The following TFDP1 variants were observed in gnomAD, a reference collection of about 807,000 sequenced individuals.
TFDP1 encodes the protein transcription factor Dp-1.
In TFDP1, 6 loss-of-function variants were observed where a neutral mutation model predicts 48.0. That is an observed-to-expected ratio of 0.13 (90% CI 0.07 to 0.25). The LOEUF (loss-of-function observed/expected upper bound fraction) is 0.25, where lower values mean the gene tolerates loss of function less well. Ranked by LOEUF, TFDP1 falls within the 10% of genes least tolerant of loss-of-function variation. TFDP1 has a pLI of 1.00. For missense variants in TFDP1, 335 were observed against 543.0 expected, an observed-to-expected ratio of 0.62 and a Z score of 3.81; for synonymous variants, 201 against 211.6, an observed-to-expected ratio of 0.95 and a Z score of 0.44.
chr13:113,610,456 C>T (rs759872109), intron 2 of TFDP1, among the ~76,000 whole-genome samples: 2 of 149,100 alleles, frequency 1.3e-5, no homozygotes, highest in Non-Finnish European at 3.0e-5. Flanking sequence ...CGCTGTGTGG[C>T]TGTGCCATCA....
intron 3 of TFDP1, among the ~76,000 whole-genome samples, chr13:113,620,400 G>A (rs2048969455): frequency 6.6e-6 from 1 of 152,250 alleles, no homozygotes; most frequent in Non-Finnish European, 1.5e-5. Context: ...GAGTGACAGT[G>A]CCACTGGCTT....
intron 3 of TFDP1, among the ~76,000 whole-genome samples, chr13:113,616,417 TA>T (rs1303778048): frequency 6.6e-6 from 1 of 152,118 alleles, no homozygotes; most frequent in African/African-American, 2.4e-5. Flanking sequence ...TTTAACATAG[TA>T]AATCCGTGGA....
intron 2 of TFDP1, among the ~76,000 whole-genome samples, chr13:113,595,023 T>C (rs546133322): frequency 7.2e-5 from 11 of 152,354 alleles, no homozygotes; most frequent in Non-Finnish European, 4.4e-5. Flanking sequence ...ACCTTCTGTT[T>C]CTAATCTTTT....
chr13:113,594,731 C>T (rs986898509), intron 2 of TFDP1, among the ~76,000 whole-genome samples: 1 of 152,232 alleles, frequency 6.6e-6, no homozygotes, highest in Admixed American at 6.5e-5. Flanking sequence ...GCTGCACCAG[C>T]GGGCTTTTCT....
At chr13:113,631,815 C>T in intron 5 of TFDP1, 71 bp downstream of exon 5, 1 of 1,584,738 alleles carries the variant, frequency 6.3e-7, no homozygotes, top group Non-Finnish European at 8.6e-7. Context: ...TTCTCCTGGG[C>T]CACGTGTGTC....
chr13:113,597,024 C>T (rs528239369), intron 2 of TFDP1, among the ~76,000 whole-genome samples: 5 of 152,240 alleles, frequency 3.3e-5, no homozygotes, highest in South Asian at 2.1e-4. Context: ...GGTGCCTGCC[C>T]GGCGCCATTG....
intron 3 of TFDP1, among the ~76,000 whole-genome samples, chr13:113,617,719 A>G (rs1389886129): frequency 2.0e-5 from 3 of 152,174 alleles, no homozygotes; most frequent in African/African-American, 7.2e-5. Context: ...GTGCTTGGCC[A>G]GATAAGCAAA....
rs1200014106 is a variant in TFDP1 at position 113,598,727 on chromosome 13, G to A, written c.13-12269G>A. Among the ~76,000 whole-genome samples, 1 of 152,196 alleles carries A rather than the reference G, an allele frequency of 6.6e-6. No individual in the cohort carries two copies. The highest frequency in any genetic ancestry group is 2.4e-5 in the African/African-American group (1 of 41,434). ...TCATTTAAGTTGCGTGGGGCCGGGA[G>A]GAGGCGTTCTCTGCCCCTACGTGGC... On this transcript the variant is annotated intron_variant, in intron 2 of 11. Transcript: ENST00000375370. This position sits in a 1 kb window ranked among gnomAD's most constrained non-coding sequence, Gnocchi z 4.2.
At chr13:113,620,947 C>T (rs2048980686) in intron 3 of TFDP1, among the ~76,000 whole-genome samples, 1 of 152,170 alleles carries the variant, frequency 6.6e-6, no homozygotes, top group Non-Finnish European at 1.5e-5. Context: ...CTGTCTTGGC[C>T]AACTTAGGTT....
intron 2 of TFDP1, among the ~76,000 whole-genome samples, chr13:113,594,549 C>T (rs1294024061): frequency 6.6e-6 from 1 of 151,798 alleles, no homozygotes; most frequent in Non-Finnish European, 1.5e-5. Flanking sequence ...GTGTGTGGGT[C>T]CTCTGCCCTG....
intron 5 of TFDP1, among the ~76,000 whole-genome samples, chr13:113,632,350 C>T (rs749589658): frequency 9.2e-5 from 14 of 152,252 alleles, no homozygotes; most frequent in Admixed American, 8.5e-4. Context: ...GGCTTTCCCT[C>T]GACCTGAAGC....
chr13:113,603,743 T>C (rs2048497223), intron 2 of TFDP1, among the ~76,000 whole-genome samples: 1 of 152,230 alleles, frequency 6.6e-6, no homozygotes. Context: ...AGGTTAGTTT[T>C]AGCCAAGGAG....
chr13:113,593,078 C>T (rs1310378121), intron 2 of TFDP1, among the ~76,000 whole-genome samples: 54 of 102,414 alleles, frequency 5.3e-4, no homozygotes, highest in African/African-American at 1.6e-3. Flanking sequence ...GTGTGGTGTG[C>T]GCGGGTCCTC....
chr13:113,639,626 C>T (rs112368072), intron 11 of TFDP1, among the ~76,000 whole-genome samples: 26 of 152,288 alleles, frequency 1.7e-4, no homozygotes, highest in African/African-American at 6.0e-4. Flanking sequence ...ACATTAGGAA[C>T]GTAGTGAGCT....
intron 3 of TFDP1, among the ~76,000 whole-genome samples, chr13:113,620,882 T>C (rs1054549705): frequency 1.3e-5 from 2 of 152,266 alleles, no homozygotes; most frequent in Non-Finnish European, 2.9e-5. Flanking sequence ...AAAATACTAA[T>C]ATTTAACCCA....
In TFDP1 at chr13:113,641,337, C is replaced by T. The variant is rs1211448200; in HGVS notation, c.*1070C>T. 1 of 152,022 alleles carries T rather than the reference C, an allele frequency of 6.6e-6. No individual in the cohort carries two copies. Among genetic ancestry groups the T allele is most frequent in the Non-Finnish European group, 1.5e-5 (1 of 68,028 alleles). The allele number at this position is 152,022 out of a possible 1,614,324, so 9.4% of individuals were successfully genotyped here. On this transcript the variant is annotated 3_prime_UTR_variant, in exon 12 of 12. Transcript: ENST00000375370. The stretch of plus-strand genomic sequence containing the variant: ...TTGCTATTAGCTGCCTGTTCTAAAA[C>T]GATAGTCTTTTTATTGAAACACAAA...
At chr13:113,632,652 C>T (rs188275157) in intron 5 of TFDP1, among the ~76,000 whole-genome samples, 7 of 152,314 alleles carry the variant, frequency 4.6e-5, no homozygotes, top group African/African-American at 1.7e-4. Context: ...GTGGCACGTG[C>T]CTGTAATCCC....
intron 3 of TFDP1, among the ~76,000 whole-genome samples, chr13:113,620,983 T>C (rs2048981596): frequency 6.6e-6 from 1 of 152,266 alleles, no homozygotes; most frequent in Admixed American, 6.5e-5. Flanking sequence ...TAAGTGTCCT[T>C]ATGTAGCACA....
At chr13:113,625,043 T>G (rs1377574825) in intron 4 of TFDP1, among the ~76,000 whole-genome samples, 1 of 137,614 alleles carries the variant, frequency 7.3e-6, no homozygotes, top group Non-Finnish European at 1.5e-5. Flanking sequence ...TTCTCAGGTG[T>G]CTCTCACGTG....
Sources: gnomAD v4.1 joint callset for allele counts (sites outside exome capture counted in the v4.1 genomes callset) on GRCh38, gnomAD v4.1.1 for gene constraint, Gnocchi (gnomAD v3.1) non-coding constraint, MANE v1.5 for transcripts, NCBI Gene and HGNC (gene_info 2026-07-23, HGNC 2026-07-21) for gene names.